Variants in PTK2B observed in about 807,000 individuals in gnomAD.
The protein encoded by PTK2B is protein-tyrosine kinase 2-beta.
PTK2B carries 71 observed loss-of-function variants against 142.9 expected under a neutral mutation model. The observed-to-expected ratio is 0.50, with a 90% confidence interval of 0.41 to 0.61. The LOEUF (loss-of-function observed/expected upper bound fraction) is 0.61, where lower values mean the gene tolerates loss of function less well. Among genes scored for constraint, PTK2B ranks in the 20% least tolerant of loss-of-function variants. The pLI is 0.00. For missense variants in PTK2B, 1,105 were observed against 1,320.4 expected, an observed-to-expected ratio of 0.84 and a Z score of 2.53; for synonymous variants, 519 against 503.4, an observed-to-expected ratio of 1.03 and a Z score of -0.42.
chr8:27,436,119 G>T, intron 14 of PTK2B, 132 bp from the exon 15 acceptor site: 1 of 879,660 alleles, frequency 1.1e-6, no homozygotes, highest in Non-Finnish European at 1.8e-6. Context: ...CATTTCCCCA[G>T]CCCAGTCCCT....
chr8:27,390,807 G>C (rs1407223764), intron 1 of PTK2B, among the ~76,000 whole-genome samples: 1 of 152,152 alleles, frequency 6.6e-6, no homozygotes, highest in African/African-American at 2.4e-5. Context: ...AAATTCTGCA[G>C]GATAAGTAAT....
intron 1 of PTK2B, among the ~76,000 whole-genome samples, chr8:27,343,012 A>G (rs918541606): frequency 2.0e-5 from 3 of 152,232 alleles, no homozygotes; most frequent in Admixed American, 6.5e-5. Flanking sequence ...GCCACCCCTG[A>G]GCTGATGTGG....
chr8:27,393,478 ACCAGAGTCCT>A (rs1807846152), intron 1 of PTK2B, among the ~76,000 whole-genome samples: 2 of 151,750 alleles, frequency 1.3e-5, no homozygotes, highest in Non-Finnish European at 2.9e-5. Context: ...AAGATAAGAC[ACCAGAGTCCT>A]CCAAGCACGC....
intron 23 of PTK2B, among the ~76,000 whole-genome samples, chr8:27,444,707 A>G (rs941491475): frequency 6.6e-6 from 1 of 152,064 alleles, no homozygotes; most frequent in Non-Finnish European, 1.5e-5. Flanking sequence ...TCCCAGCTCC[A>G]TTATCCCCAA....
chr8:27,349,225 C>A (rs926958619), intron 1 of PTK2B, among the ~76,000 whole-genome samples: 1 of 152,208 alleles, frequency 6.6e-6, no homozygotes, highest in Non-Finnish European at 1.5e-5. Flanking sequence ...AGTGTATTTC[C>A]AATCCCAGAT....
intron 2 of PTK2B, among the ~76,000 whole-genome samples, chr8:27,405,681 C>T (rs1399543992): frequency 2.0e-5 from 3 of 152,228 alleles, no homozygotes; most frequent in Non-Finnish European, 2.9e-5. Flanking sequence ...ACGCAGGTTC[C>T]GGGCCTTTGT....
At chr8:27,321,660 C>T (rs113674139), upstream of PTK2B, among the ~76,000 whole-genome samples, 3 of 152,132 alleles carry the variant, frequency 2.0e-5, no homozygotes, top group African/African-American at 7.2e-5. Context: ...TCTGGAGTTG[C>T]GTGCATAACT....
intron 2 of PTK2B, among the ~76,000 whole-genome samples, chr8:27,404,300 A>G (rs1005528792): frequency 6.6e-6 from 1 of 152,188 alleles, no homozygotes; most frequent in Non-Finnish European, 1.5e-5. Context: ...CCAGGAAGAC[A>G]TTGAGCAGAA....
chr8:27,373,077 G>A (rs1010679530), intron 1 of PTK2B, among the ~76,000 whole-genome samples: 10 of 152,092 alleles, frequency 6.6e-5, no homozygotes, highest in East Asian at 1.9e-4. Flanking sequence ...CTGGCCTATC[G>A]GCTTAGGCTC....
At chr8:27,434,153 A>G (rs751183765) in intron 12 of PTK2B, 21 bp downstream of exon 12, 1 of 1,612,644 alleles carries the variant, frequency 6.2e-7, no homozygotes, top group Non-Finnish European at 8.5e-7. Flanking sequence ...TGGGGTGCAG[A>G]GGACAGGGCC....
intron 13 of PTK2B, among the ~76,000 whole-genome samples, chr8:27,434,998 CAAAA>C (rs371261605): frequency 7.0e-6 from 1 of 142,776 alleles, no homozygotes; most frequent in African/African-American, 2.6e-5. Context: ...GACTCCATCT[CAAAA>C]AAAAAAAATC....
intron 21 of PTK2B, among the ~76,000 whole-genome samples, chr8:27,440,862 C>G (rs146964506): frequency 7.0e-4 from 106 of 152,230 alleles, no homozygotes; most frequent in African/African-American, 2.2e-3. Flanking sequence ...AGACTATGAC[C>G]CAGGGGCCAC....
rs1009162529 is a variant in PTK2B at position 27,439,462 on chromosome 8, G to C, written c.1834+64G>C. ...ATTCTCACTTCTGAACCAGGCTAAGGGGGTGGGTGCAGGGAGCAGGGGTCT... is the reference window on the plus strand; with the variant it reads ...ATTCTCACTTCTGAACCAGGCTAAGCGGGTGGGTGCAGGGAGCAGGGGTCT... On this transcript the variant is annotated intron_variant, in intron 20 of 30. Coordinates refer to ENST00000346049, the MANE Select transcript of PTK2B (RefSeq NM_173176.3). 2.5e-5 allele frequency: 38 copies of C among 1,524,666 alleles called. No homozygotes were observed. The South Asian group carries it at 4.1e-4, about 17-fold the overall frequency. The allele number at this position is 1,524,666 out of a possible 1,614,324, so 94.4% of individuals were successfully genotyped here. A position where few individuals can be genotyped will look rare whatever the true frequency, so the allele number is the denominator to read the frequency against.
chr8:27,457,975 CAAAAA>C (rs11317355), intron 30 of PTK2B, among the ~76,000 whole-genome samples: 5 of 94,042 alleles, frequency 5.3e-5, no homozygotes, highest in African/African-American at 2.0e-4. Flanking sequence ...AACTCAGTCT[CAAAAA>C]AAAAAAAAAA....
In PTK2B at chr8:27,435,755, A is replaced by C. The variant is rs933050702; in HGVS notation, c.1205A>C (p.Tyr402Ser). ...CCTGTTGTTCCAGAGTCAGACATCT[A>C]CGCAGAGATTCCCGACGAAACCCTG... Reference protein sequence around the residue: ...SESCSIESDIYAEIPDETLRR... With the variant: ...SESCSIESDISAEIPDETLRR... The change falls in exon 14 of 31, where the codon TAC becomes TCC. Residue 402 changes from tyrosine to serine, a missense_variant. By Grantham distance (144) the Tyr-to-Ser change is moderately radical (BLOSUM62 -2). Coordinates refer to ENST00000346049, the MANE Select transcript of PTK2B (RefSeq NM_173176.3). 1 of 1,614,146 alleles carries C rather than the reference A, an allele frequency of 6.2e-7. No homozygotes were observed. The highest frequency in any genetic ancestry group is 8.5e-7 in the Non-Finnish European group (1 of 1,180,020).
intron 1 of PTK2B, among the ~76,000 whole-genome samples, chr8:27,382,888 C>T (rs1807114064): frequency 6.6e-6 from 1 of 152,090 alleles, no homozygotes; most frequent in Admixed American, 6.5e-5. Flanking sequence ...TTTCTGGGTT[C>T]TCTATTCTGT....
upstream of PTK2B, chr8:27,310,822 C>G (rs1483806621): frequency 6.2e-7 from 1 of 1,605,372 alleles, no homozygotes; most frequent in Non-Finnish European, 8.5e-7. Flanking sequence ...GGGCAGTGTC[C>G]TTCACCGGCT....
rs1371694310 is a variant in PTK2B, at chr8:27,432,353, GC to G, written c.985del (p.Gln329ArgfsTer10). ...AGTACTTCAGCTGGGCATTGAAGGT[GC>G]CCCCCAGGTGAGTGTCTCTGGGCAC... ...QAVLQLGIEG[A>X]PQALSIKTSS... On this transcript the variant is annotated frameshift_variant, in exon 10 of 31. Coordinates refer to ENST00000346049, the MANE Select transcript of PTK2B (RefSeq NM_173176.3). LOFTEE classifies it high-confidence loss of function. The G allele has an allele frequency of 6.2e-7, 1 of 1,613,722 alleles. No individual in the cohort carries two copies. The highest frequency in any genetic ancestry group is 1.1e-5 in the South Asian group (1 of 91,062).
chr8:27,410,071 T>C (rs1256137604), intron 2 of PTK2B, among the ~76,000 whole-genome samples: 2 of 152,252 alleles, frequency 1.3e-5, no homozygotes, highest in African/African-American at 4.8e-5. Flanking sequence ...TATTAAAATG[T>C]TAAGTATAGT....
Sources: gnomAD v4.1 joint callset for allele counts (sites outside exome capture counted in the v4.1 genomes callset) on GRCh38, gnomAD v4.1.1 for gene constraint, MANE v1.5 for transcripts, NCBI Gene and HGNC (gene_info 2026-07-23, HGNC 2026-07-21) for gene names.